Variants in SPRY3 observed in about 807,000 individuals in gnomAD.
SPRY3 encodes the protein protein sprouty homolog 3.
Under a neutral mutation model 20.2 loss-of-function variants are expected in SPRY3, and 15 were observed. That is an observed-to-expected ratio of 0.74 (90% confidence interval 0.50 to 1.14). The LOEUF is 1.14. Ranked by LOEUF, SPRY3 falls within the 50% of genes most tolerant of loss-of-function variation. The pLI is 0.00. For missense variants in SPRY3, 364 were observed against 363.9 expected, an observed-to-expected ratio of 1.00 and a Z score of 0.00; for synonymous variants, 143 against 136.5, an observed-to-expected ratio of 1.05 and a Z score of -0.33.
chrX:155,732,224 C>G (rs2091137764), intron 2 of SPRY3, among the ~76,000 whole-genome samples: 1 of 152,004 alleles, frequency 6.6e-6, no homozygotes, highest in Non-Finnish European at 1.5e-5. Flanking sequence ...TTTATTTTTA[C>G]ATTGCAAATC....
At chrX:155,755,171 A>C (rs1157028202) in intron 2 of SPRY3, among the ~76,000 whole-genome samples, 1 of 143,080 alleles carries the variant, frequency 7.0e-6, no homozygotes, top group Admixed American at 6.8e-5. Context: ...CCTAAATCTC[A>C]GAATTCTTAG....
At chrX:155,633,376 TAAAAAAAAAAAAA>T (rs1170609386) in intron 1 of SPRY3, among the ~76,000 whole-genome samples, 28 of 21,093 alleles carry the variant, frequency 1.3e-3, no homozygotes, top group Admixed American at 2.4e-3. Flanking sequence ...CCGTCTCTAC[TAAAAAAAAAAAAA>T]AAAAAAAAAA....
At chrX:155,678,210 A>T (rs1360320113) in intron 2 of SPRY3, among the ~76,000 whole-genome samples, 1 of 111,416 alleles carries the variant, frequency 9.0e-6, no homozygotes, top group East Asian at 2.8e-4. Context: ...GTCAAAAGGG[A>T]TTTCTCCTCA....
chrX:155,744,767 A>G (rs905384676), intron 2 of SPRY3, among the ~76,000 whole-genome samples: 83 of 151,618 alleles, frequency 5.5e-4, no homozygotes, highest in Non-Finnish European at 1.1e-3. Flanking sequence ...CTGCTGCACC[A>G]CTCTTAGCAA....
intron 1 of SPRY3, among the ~76,000 whole-genome samples, chrX:155,630,940 AT>A (rs1318718252): frequency 2.0e-4 from 21 of 106,747 alleles, no homozygotes; most frequent in African/African-American, 3.8e-4. Flanking sequence ...CTTTGATTGT[AT>A]TTTTTTTTAT....
At chrX:155,664,363 A>G (rs1279415415) in intron 2 of SPRY3, among the ~76,000 whole-genome samples, 3 of 109,963 alleles carry the variant, frequency 2.7e-5, no homozygotes, top group Non-Finnish European at 5.7e-5. Context: ...AACTTGACAT[A>G]CTGATACTAA....
intron 2 of SPRY3, among the ~76,000 whole-genome samples, chrX:155,731,550 A>T (rs947042252): frequency 5.9e-5 from 9 of 152,170 alleles, no homozygotes; most frequent in African/African-American, 2.2e-4. Flanking sequence ...AAACTATGAA[A>T]CTACTACAAG....
intron 2 of SPRY3, among the ~76,000 whole-genome samples, chrX:155,704,205 A>C (rs2090931851): frequency 6.6e-6 from 1 of 151,850 alleles, no homozygotes; most frequent in South Asian, 2.1e-4. Context: ...AAATTTGGAA[A>C]CTCTCTGACA....
At chrX:155,761,367 CA>C (rs201013981) in intron 2 of SPRY3, among the ~76,000 whole-genome samples, 18 of 151,340 alleles carry the variant, frequency 1.2e-4, no homozygotes, top group Admixed American at 2.0e-4. Context: ...ATTTTAGATT[CA>C]AAAAAAACAG....
chrX:155,680,914 G>A (rs1390388742), intron 2 of SPRY3, among the ~76,000 whole-genome samples: 1 of 111,746 alleles, frequency 8.9e-6, no homozygotes, highest in Non-Finnish European at 1.9e-5. Context: ...ATTTGGGGAT[G>A]CCACTAACTG....
chrX:155,652,081 C>T (rs1369005206), intron 1 of SPRY3, among the ~76,000 whole-genome samples: 3 of 110,577 alleles, frequency 2.7e-5, no homozygotes, highest in Admixed American at 9.6e-5. Flanking sequence ...TTTTAAACAA[C>T]GAGATCTCAT....
In SPRY3 at chrX:155,755,608, C is replaced by T. The variant is rs925738036; in HGVS notation, c.-281-12354C>T. ...GATTATGTATATAAAATACCTGAAACAATACACTGTAAATGCTCAATAAAT... is the reference window on the plus strand; with the variant it reads ...GATTATGTATATAAAATACCTGAAATAATACACTGTAAATGCTCAATAAAT... On this transcript the variant is annotated intron_variant, in intron 2 of 3. Coordinates refer to ENST00000675360, the Ensembl canonical transcript of SPRY3. 9.9e-5 allele frequency among the ~76,000 whole-genome samples: 15 copies of T among 152,150 alleles called. 1 individual carries two copies. The South Asian group carries it at 1.5e-3, about 15-fold the overall frequency.
intron 1 of SPRY3, among the ~76,000 whole-genome samples, chrX:155,644,877 AC>A (rs1388515882): frequency 1.8e-5 from 2 of 110,582 alleles, no homozygotes; most frequent in African/African-American, 6.6e-5. Context: ...AGTCCCCTTT[AC>A]TTTTCTCTCC....
intron 1 of SPRY3, among the ~76,000 whole-genome samples, chrX:155,629,406 T>C (rs1284143895): frequency 1.8e-5 from 2 of 111,035 alleles, no homozygotes; most frequent in African/African-American, 3.3e-5. Context: ...CAGTCTCTCA[T>C]TGATGGACAT....
At chrX:155,761,068 A>T (rs534310404) in intron 2 of SPRY3, among the ~76,000 whole-genome samples, 1 of 152,058 alleles carries the variant, frequency 6.6e-6, no homozygotes, top group Non-Finnish European at 1.5e-5. Flanking sequence ...GAAATCTTAT[A>T]ACTCTGCCAT....
intron 1 of SPRY3, among the ~76,000 whole-genome samples, chrX:155,638,740 C>T (rs2067932501): frequency 9.0e-6 from 1 of 111,200 alleles, no homozygotes; most frequent in South Asian, 3.8e-4. Context: ...CCCATCAATA[C>T]GATAGTGCTA....
At chrX:155,685,299 G>T (rs1228297399) in intron 2 of SPRY3, among the ~76,000 whole-genome samples, 1 of 110,286 alleles carries the variant, frequency 9.1e-6, no homozygotes, top group African/African-American at 3.3e-5. Flanking sequence ...GTTCAGATTG[G>T]ATAATTTCTA....
At chrX:155,736,609 A>G (rs1297884698) in intron 2 of SPRY3, among the ~76,000 whole-genome samples, 1 of 151,302 alleles carries the variant, frequency 6.6e-6, no homozygotes, top group Non-Finnish European at 1.5e-5. Flanking sequence ...TTCCTTCAAG[A>G]TTTTCTCTTT....
chrX:155,681,299 C>T (rs1480411221), intron 2 of SPRY3, among the ~76,000 whole-genome samples: 2 of 111,694 alleles, frequency 1.8e-5, no homozygotes, highest in African/African-American at 6.5e-5. Context: ...CTCTCTTTGC[C>T]CTGCTGCCAT....
Sources: gnomAD v4.1 joint callset for allele counts (sites outside exome capture counted in the v4.1 genomes callset) on GRCh38, gnomAD v4.1.1 for gene constraint, MANE v1.5 for transcripts, NCBI Gene and HGNC (gene_info 2026-07-23, HGNC 2026-07-21) for gene names.